Variants in ARHGAP22 observed in about 807,000 individuals in gnomAD.
The protein encoded by ARHGAP22 is Rho GTPase activating protein 22.
ARHGAP22 carries 48 observed loss-of-function variants against 59.1 expected under a neutral mutation model. The observed-to-expected ratio is 0.81, with a 90% CI of 0.64 to 1.03. ARHGAP22 has a LOEUF of 1.03. Ranked by LOEUF, ARHGAP22 falls within the 50% of genes least tolerant of loss-of-function variation. ARHGAP22 has a pLI of 0.00. For missense variants in ARHGAP22, 1,015 were observed against 958.7 expected, an observed-to-expected ratio of 1.06 and a Z score of -0.78; for synonymous variants, 445 against 416.4, an observed-to-expected ratio of 1.07 and a Z score of -0.84.
chr10:48,642,076 C>T (rs555390367), intron 1 of ARHGAP22, among the ~76,000 whole-genome samples: 6 of 151,944 alleles, frequency 3.9e-5, no homozygotes, highest in Admixed American at 1.3e-4. Context: ...CACTGCTCAA[C>T]GAAATAAAAG....
At chr10:48,620,785 G>A (rs1187084556) in intron 1 of ARHGAP22, among the ~76,000 whole-genome samples, 1 of 152,208 alleles carries the variant, frequency 6.6e-6, no homozygotes, top group Non-Finnish European at 1.5e-5. Context: ...TCTGCCCATA[G>A]ACAAAGACAT....
intron 1 of ARHGAP22, among the ~76,000 whole-genome samples, chr10:48,601,938 G>T (rs545315122): frequency 6.6e-6 from 1 of 152,172 alleles, no homozygotes. Flanking sequence ...ACAGGGCCAG[G>T]TGCAGAGGTC....
intron 1 of ARHGAP22, among the ~76,000 whole-genome samples, chr10:48,642,929 G>A (rs1464147359): frequency 1.3e-5 from 2 of 152,094 alleles, no homozygotes; most frequent in Admixed American, 1.3e-4. Context: ...GTGGGCAAAG[G>A]ATATGAACAG....
chr10:48,567,745 A>G (rs181388469), intron 2 of ARHGAP22, among the ~76,000 whole-genome samples: 36 of 152,058 alleles, frequency 2.4e-4, no homozygotes, highest in Non-Finnish European at 4.3e-4. Context: ...CTTCTCTCCT[A>G]TCTCTCCCCC....
At chr10:48,478,628 G>A (rs546081487) in intron 4 of ARHGAP22, among the ~76,000 whole-genome samples, 24 of 152,302 alleles carry the variant, frequency 1.6e-4, no homozygotes, top group African/African-American at 5.8e-4. Context: ...GCAGGGAGTC[G>A]GTGGCCCTGG....
chr10:48,508,607 A>C (rs1219760530), intron 3 of ARHGAP22, among the ~76,000 whole-genome samples: 1 of 152,240 alleles, frequency 6.6e-6, no homozygotes, highest in Non-Finnish European at 1.5e-5. Context: ...AAGACAAAAA[A>C]ATGGGAAGTC....
chr10:48,647,830 C>G (rs2062374394), intron 1 of ARHGAP22, among the ~76,000 whole-genome samples: 1 of 152,160 alleles, frequency 6.6e-6, no homozygotes, highest in Non-Finnish European at 1.5e-5. Context: ...ATGTGCATCC[C>G]TACAAGGGAG....
intron 3 of ARHGAP22, among the ~76,000 whole-genome samples, chr10:48,517,569 C>T (rs1464370432): frequency 4.6e-5 from 7 of 152,160 alleles, no homozygotes; most frequent in Admixed American, 1.3e-4. Flanking sequence ...ACTTGCTGCC[C>T]TAAGGGCCGA....
chr10:48,652,096 G>T, intron 1 of ARHGAP22: 1 of 761,472 alleles, frequency 1.3e-6, no homozygotes, highest in Non-Finnish European at 2.2e-6. Flanking sequence ...AGCTGAAGGA[G>T]GTCAGAACCC....
intron 3 of ARHGAP22, among the ~76,000 whole-genome samples, chr10:48,536,273 G>A (rs2055344783): frequency 1.3e-5 from 2 of 152,232 alleles, no homozygotes; most frequent in Non-Finnish European, 2.9e-5. Context: ...CCAATGAGAG[G>A]ACAGCTGTAT....
chr10:48,575,693 G>A (rs1014570962), intron 2 of ARHGAP22: 7 of 152,148 alleles, frequency 4.6e-5, no homozygotes, highest in Admixed American at 3.9e-4. Flanking sequence ...CAGAAACCTA[G>A]CCTGCTCTCA....
Position 48,479,781 on chromosome 10 carries a change from C to A in ARHGAP22, c.323-17G>T, listed in dbSNP as rs1350447326. 1.3e-6 allele frequency: 2 copies of A among 1,563,730 alleles called. No individual in the cohort carries two copies. Among genetic ancestry groups the A allele is most frequent in the South Asian group, 1.2e-5 (1 of 83,036 alleles). On this transcript the variant is annotated splice_polypyrimidine_tract_variant and intron_variant, in intron 3 of 9. Transcript: ENST00000249601. ...CGGCACCACCTGCAAGACAGGGAGA[C>A]ACAGGCTTACGCAGGGTCCCTGCCC...
chr10:48,455,828 C>T (rs181228351), intron 5 of ARHGAP22, among the ~76,000 whole-genome samples: 7 of 152,312 alleles, frequency 4.6e-5, no homozygotes, highest in African/African-American at 7.2e-5. Context: ...AGCAGGTATC[C>T]GGGGACCAAC....
chr10:48,483,240 G>C (rs995221982), intron 3 of ARHGAP22, among the ~76,000 whole-genome samples: 1 of 152,096 alleles, frequency 6.6e-6, no homozygotes, highest in African/African-American at 2.4e-5. Flanking sequence ...TAAACATTGG[G>C]GTACATTAAC....
chr10:48,442,020 A>G (rs2045214478), downstream of ARHGAP22, among the ~76,000 whole-genome samples: 1 of 152,208 alleles, frequency 6.6e-6, no homozygotes, highest in African/African-American at 2.4e-5. Context: ...TGGGCTGGGT[A>G]AGCTAATGAC....
At position 48,539,290 on chromosome 10, in the gene ARHGAP22, C is replaced by CTTTTTT. The variant is rs553835954; in HGVS notation, c.322+16172_322+16173insAAAAAA. Reference sequence around the variant, plus strand: ...CTAACAATTAGTATGAGAAGGGTAACATTTTTTTTTTTTTTTTTTGAGACG... The same window carrying CTTTTTT: ...CTAACAATTAGTATGAGAAGGGTAACTTTTTTATTTTTTTTTTTTTTTTTTGAGACG... On this transcript the variant is annotated intron_variant, in intron 3 of 9. Coordinates refer to ENST00000249601, the MANE Select transcript of ARHGAP22 (RefSeq NM_021226.4). Among the ~76,000 whole-genome samples, 572 of 129,198 alleles carry CTTTTTT rather than the reference C, an allele frequency of 4.4e-3. 98 individuals are homozygous for CTTTTTT. Among genetic ancestry groups the CTTTTTT allele is most frequent in the East Asian group, 1.0e-2 (32 of 3,214 alleles). 84.8% of individuals were successfully genotyped at this position (129,198 alleles called of 152,430 possible).
intron 1 of ARHGAP22, among the ~76,000 whole-genome samples, chr10:48,643,224 C>T (rs982332178): frequency 1.5e-4 from 23 of 152,136 alleles, no homozygotes; most frequent in African/African-American, 4.8e-5. Flanking sequence ...TTTGACCCAG[C>T]CATCCCATTA....
chr10:48,544,422 G>C (rs2056248003), intron 3 of ARHGAP22, among the ~76,000 whole-genome samples: 1 of 136,068 alleles, frequency 7.3e-6, no homozygotes, highest in African/African-American at 2.8e-5. Flanking sequence ...TTCTCCCCTT[G>C]CTTCTTTCAT....
At chr10:48,585,831 C>A (rs760840768) in intron 1 of ARHGAP22, among the ~76,000 whole-genome samples, 19 of 152,212 alleles carry the variant, frequency 1.2e-4, no homozygotes, top group Non-Finnish European at 2.4e-4. Context: ...TGCATGCTTG[C>A]CCCTGAACAC....
Sources: gnomAD v4.1 joint callset for allele counts (sites outside exome capture counted in the v4.1 genomes callset) on GRCh38, gnomAD v4.1.1 for gene constraint, MANE v1.5 for transcripts, NCBI Gene and HGNC (gene_info 2026-07-23, HGNC 2026-07-21) for gene names.